PRDX1: variants seen among roughly 807,000 people sequenced by gnomAD.
The protein encoded by PRDX1 is peroxiredoxin 1, also known as peroxiredoxin-1.
Under a neutral mutation model 20.7 loss-of-function variants are expected in PRDX1, and 19 were observed. The observed-to-expected ratio is 0.92, with a 90% CI of 0.64 to 1.35. The LOEUF (loss-of-function observed/expected upper bound fraction) is 1.35, where lower values mean the gene tolerates loss of function less well. PRDX1 is among the 40% of genes most tolerant of loss of function. The pLI is 0.00. For missense variants in PRDX1, 226 were observed against 240.0 expected, an observed-to-expected ratio of 0.94 and a Z score of 0.38; for synonymous variants, 89 against 83.9, an observed-to-expected ratio of 1.06 and a Z score of -0.33.
intron 2 of PRDX1, among the ~76,000 whole-genome samples, chr1:45,516,926 CAGG>C (rs1643867010): frequency 6.6e-6 from 1 of 150,456 alleles, no homozygotes; most frequent in Non-Finnish European, 1.5e-5. Context: ...GAGGCTGAGC[CAGG>C]AGAATCACTT....
Position 45,514,911 on chromosome 1 carries a change from A to C in PRDX1, c.345T>G (p.Asp115Glu). The part of the protein sequence containing the change: ...VSDPKRTIAQ[D>E]YGVLKADEGI... The stretch of plus-strand genomic sequence containing the variant: ...CTTCATCAGCCTTTAAGACCCCATA[A>C]TCCTGAGCAATGGTGCGCTTCGGGT... Residue 115 changes from aspartate to glutamate, a missense_variant, in exon 4 of 6, where the codon GAT becomes GAG. Physicochemically the swap from Asp to Glu is conservative, Grantham distance 45 (BLOSUM62 2). Transcript: ENST00000319248. 2 of 1,614,170 alleles carry C rather than the reference A, an allele frequency of 1.2e-6. No individual in the cohort carries two copies. The highest frequency in any genetic ancestry group is 1.7e-6 in the Non-Finnish European group (2 of 1,180,014).
At position 45,511,423 on chromosome 1, in the gene PRDX1, GA is replaced by G. The variant is rs770412755; in HGVS notation, c.515-10del. On this transcript the variant is annotated splice_polypyrimidine_tract_variant and intron_variant, in intron 5 of 5. Coordinates refer to ENST00000319248, the MANE Select transcript of PRDX1 (RefSeq NM_181697.3). ...CCAGCCAGCTGGGCACACTGCAAGA[GA>G]AAGGCACCACTAATTAATAACCTTC... 10 of 1,609,646 alleles carry G rather than the reference GA, an allele frequency of 6.2e-6. No homozygotes were observed. The highest frequency in any genetic ancestry group is 2.5e-6 in the Non-Finnish European group (3 of 1,177,312).
At chr1:45,519,933 G>A (rs1323125382) in intron 1 of PRDX1, among the ~76,000 whole-genome samples, 3 of 152,208 alleles carry the variant, frequency 2.0e-5, no homozygotes, top group South Asian at 2.1e-4. Context: ...ACCACTGGGC[G>A]CAGTGTCTCA....
rs1174211293 is a variant in PRDX1, at chr1:45,511,521, C to T, written c.515-107G>A. The T allele has an allele frequency of 1.1e-4, 90 of 811,372 alleles. 1 individual carries two copies. Among genetic ancestry groups the T allele is most frequent in the South Asian group, 7.7e-4 (42 of 54,684 alleles). 50.3% of individuals were successfully genotyped at this position (811,372 alleles called of 1,614,324 possible). A position where few individuals can be genotyped will look rare whatever the true frequency, so the allele number is the denominator to read the frequency against. On this transcript the variant is annotated intron_variant, in intron 5 of 5. Coordinates refer to ENST00000319248, the MANE Select transcript of PRDX1 (RefSeq NM_181697.3). ...ACCTGAACACTCAGATACCAGGAAACCTACCCCTGCAATCAGTCTTAGATC... is the reference window on the plus strand; with the variant it reads ...ACCTGAACACTCAGATACCAGGAAATCTACCCCTGCAATCAGTCTTAGATC...
Position 45,514,999 on chromosome 1 carries a change from T to G in PRDX1, c.261-4A>C. ...TTGTTTCTTAGGTGTATTGACCCTA[T>G]GGCAAAAGGCAAACATACAGTTACA... On this transcript the variant is annotated splice_polypyrimidine_tract_variant and splice_region_variant and intron_variant, in intron 3 of 5. Transcript: ENST00000319248. The G allele has an allele frequency of 6.2e-7, 1 of 1,613,906 alleles. No homozygotes were observed. The highest frequency in any genetic ancestry group is 8.5e-7 in the Non-Finnish European group (1 of 1,179,924).
chr1:45,513,661 CAT>C (rs1557612601), intron 5 of PRDX1, among the ~76,000 whole-genome samples: 2 of 152,234 alleles, frequency 1.3e-5, no homozygotes, highest in African/African-American at 4.8e-5. Flanking sequence ...CTCCCTGAAA[CAT>C]GTGCTGTGTC....
intron 2 of PRDX1, among the ~76,000 whole-genome samples, chr1:45,518,334 G>A (rs560941969): frequency 6.6e-6 from 1 of 152,080 alleles, no homozygotes; most frequent in African/African-American, 2.4e-5. Context: ...AGGCATGATG[G>A]CGCATGCCTG....
Position 45,515,586 on chromosome 1 carries a change from A to G in PRDX1, c.260+68T>C, listed in dbSNP as rs7516006. ...TGCACTCCAGCCTGGGCGACAAAGC[A>G]AGACTCCATCTCAAAAAAAAAAAAA... On this transcript the variant is annotated intron_variant, in intron 3 of 5. Transcript: ENST00000319248. 848,973 of 1,259,532 alleles carry G rather than the reference A, an allele frequency of 0.67. 296,320 individuals are homozygous for G. The highest frequency in any genetic ancestry group is 0.94 in the East Asian group (30,100 of 31,862). The allele number at this position is 1,259,532 out of a possible 1,614,324, so 78.0% of individuals were successfully genotyped here. A position where few individuals can be genotyped will look rare whatever the true frequency, so the allele number is the denominator to read the frequency against.
intron 2 of PRDX1, 114 bp from the exon 3 acceptor site, chr1:45,515,921 G>T: frequency 2.8e-6 from 3 of 1,054,340 alleles, no homozygotes; most frequent in Non-Finnish European, 4.0e-6. Flanking sequence ...TAACTGCCAA[G>T]ATGCTCAATA....
At chr1:45,518,828 C>T in intron 2 of PRDX1, 110 bp downstream of exon 2, 2 of 978,972 alleles carry the variant, frequency 2.0e-6, no homozygotes, top group Admixed American at 2.6e-5. Context: ...AATACTTCTT[C>T]CTAGGAGACA....
chr1:45,520,226 G>T (rs1229574107), intron 1 of PRDX1, among the ~76,000 whole-genome samples: 1 of 126,866 alleles, frequency 7.9e-6, no homozygotes, highest in Non-Finnish European at 1.6e-5. Flanking sequence ...AAAAAAAAAA[G>T]AGGCAAGACC....
chr1:45,520,531 T>C (rs1643901315), intron 1 of PRDX1, among the ~76,000 whole-genome samples: 1 of 152,032 alleles, frequency 6.6e-6, no homozygotes, highest in African/African-American at 2.4e-5. Context: ...GAGACCAGCC[T>C]GGCCATCATA....
chr1:45,521,388 G>A (rs895216317), intron 1 of PRDX1, among the ~76,000 whole-genome samples: 1 of 152,178 alleles, frequency 6.6e-6, no homozygotes, highest in East Asian at 1.9e-4. Context: ...AAGGGTACCC[G>A]AAGCTCCGCA....
chr1:45,516,470 A>G (rs867564650), intron 2 of PRDX1, among the ~76,000 whole-genome samples: 16 of 152,112 alleles, frequency 1.1e-4, no homozygotes, highest in South Asian at 6.2e-4. Context: ...CAACAGAAAT[A>G]TATATATACA....
Position 45,518,982 on chromosome 1 carries a change from A to G in PRDX1, c.62T>C (p.Met21Thr), listed in dbSNP as rs779936396. ...PAPNFKATAV[M>T]PDGQFKDISL... ...GATATCTTTAAACTGACCATCTGGC[A>G]TAACAGCTGTGGCTTTGAAGTTGGG... Residue 21 changes from methionine to threonine, a missense_variant, in exon 2 of 6, where the codon ATG becomes ACG. Met to Thr is a moderately conservative substitution (Grantham distance 81, BLOSUM62 -1). Coordinates refer to ENST00000319248, the MANE Select transcript of PRDX1 (RefSeq NM_181697.3). The G allele has an allele frequency of 8.1e-6, 13 of 1,606,018 alleles. No homozygotes were observed. Among genetic ancestry groups the G allele is most frequent in the East Asian group, 2.3e-5 (1 of 44,270 alleles).
At chr1:45,515,018 A>C (rs747507472) in intron 3 of PRDX1, 23 bp from the exon 4 acceptor site, 19 of 1,613,092 alleles carry the variant, frequency 1.2e-5, no homozygotes, top group Admixed American at 3.3e-5. Context: ...GCAAACATAC[A>C]GTTACATTCA....
chr1:45,516,309 C>A (rs1370634465), intron 2 of PRDX1, among the ~76,000 whole-genome samples: 2 of 152,184 alleles, frequency 1.3e-5, no homozygotes, highest in Non-Finnish European at 1.5e-5. Flanking sequence ...CACATGTGTT[C>A]CTAACGTGCC....
intron 5 of PRDX1, among the ~76,000 whole-genome samples, chr1:45,514,271 T>G (rs1355712699): frequency 3.9e-5 from 6 of 152,090 alleles, no homozygotes; most frequent in African/African-American, 2.4e-5. Flanking sequence ...CATCCCCCTC[T>G]CCGAGAAACA....
chr1:45,519,058 G>A lies in PRDX1; in HGVS notation c.-11-4C>T. The A allele has an allele frequency of 1.3e-6, 2 of 1,531,210 alleles. No homozygotes were observed. The highest frequency in any genetic ancestry group is 2.0e-5 in the Admixed American group (1 of 49,128). 94.9% of individuals were successfully genotyped at this position (1,531,210 alleles called of 1,614,324 possible). ...CCTGAAGACATCTTCCTATCAGCTA[G>A]AAATAACAGAAATGAATTAGAAACA... On this transcript the variant is annotated splice_region_variant and splice_polypyrimidine_tract_variant and intron_variant, in intron 1 of 5. Coordinates refer to ENST00000319248, the MANE Select transcript of PRDX1 (RefSeq NM_181697.3).
Sources: allele counts gnomAD v4.1 joint callset (sites outside exome capture counted in the v4.1 genomes callset), GRCh38; gene constraint gnomAD v4.1.1; transcripts MANE v1.5; gene names NCBI Gene and HGNC (gene_info 2026-07-23, HGNC 2026-07-21).